The following AVEN variants were observed in gnomAD, a reference collection of about 807,000 sequenced individuals.
The protein encoded by AVEN is cell death regulator Aven.
Under a neutral mutation model 38.1 loss-of-function variants are expected in AVEN, and 41 were observed. That is an observed-to-expected ratio of 1.08 (90% confidence interval 0.84 to 1.40). AVEN has a LOEUF of 1.40. Among genes scored for constraint, AVEN ranks in the 40% most tolerant of loss-of-function variants. AVEN has a pLI of 0.00. For missense variants in AVEN, 605 were observed against 438.8 expected (o/e 1.38, Z -3.38); for synonymous variants, 206 against 171.8 (o/e 1.20, Z -1.56).
chr15:34,072,439 C>T (rs966548791), intron 1 of AVEN, among the ~76,000 whole-genome samples: 8 of 150,850 alleles, frequency 5.3e-5, no homozygotes, highest in East Asian at 4.0e-4. Flanking sequence ...GGTGAAACCC[C>T]GTCTCTACTA....
intron 2 of AVEN, among the ~76,000 whole-genome samples, chr15:33,935,740 T>A (rs1376612279): frequency 6.6e-6 from 1 of 152,170 alleles, no homozygotes; most frequent in East Asian, 1.9e-4. Context: ...CCTATCTCTA[T>A]ACTTCATAAG....
chr15:33,860,912 G>C (rs1887959290), intron 11 of AVEN, among the ~76,000 whole-genome samples: 1 of 120,682 alleles, frequency 8.3e-6, no homozygotes, highest in South Asian at 3.2e-4. Flanking sequence ...GCACTACTGA[G>C]TGAATGACTA....
chr15:33,877,564 C>T (rs1205633743), intron 2 of AVEN, among the ~76,000 whole-genome samples: 6 of 152,238 alleles, frequency 3.9e-5, no homozygotes, highest in Non-Finnish European at 8.8e-5. Context: ...CCTACAATCC[C>T]AGCACTTCGG....
chr15:33,872,877 G>C (rs1313905056), intron 3 of AVEN, among the ~76,000 whole-genome samples: 1 of 151,930 alleles, frequency 6.6e-6, no homozygotes, highest in Non-Finnish European at 1.5e-5. Context: ...CACCCCTGTG[G>C]TCATGGAGGC....
At chr15:33,958,108 A>T (rs947827568) in intron 2 of AVEN, among the ~76,000 whole-genome samples, 1 of 152,230 alleles carries the variant, frequency 6.6e-6, no homozygotes, top group Non-Finnish European at 1.5e-5. Context: ...GTGTACATAA[A>T]TTGTCAAAGC....
chr15:34,072,415 A>G (rs1207376346), intron 1 of AVEN, among the ~76,000 whole-genome samples: 2 of 151,976 alleles, frequency 1.3e-5, no homozygotes, highest in Non-Finnish European at 1.5e-5. Context: ...GTTCGAGACC[A>G]GACTAACCAA....
At chr15:33,961,718 C>A (rs1020997131) in intron 2 of AVEN, among the ~76,000 whole-genome samples, 1 of 144,272 alleles carries the variant, frequency 6.9e-6, no homozygotes, top group Non-Finnish European at 1.5e-5. Flanking sequence ...GAGGCTGAGG[C>A]AGGAGAATGG....
At chr15:34,043,753 C>T (rs934639419), upstream of AVEN, among the ~76,000 whole-genome samples, 1 of 152,208 alleles carries the variant, frequency 6.6e-6, no homozygotes, top group Admixed American at 6.5e-5. Flanking sequence ...ATCTTCTCCT[C>T]TCTCCTTCCA....
chr15:33,960,563 GA>G (rs1467513319), intron 2 of AVEN, among the ~76,000 whole-genome samples: 1 of 151,684 alleles, frequency 6.6e-6, no homozygotes, highest in African/African-American at 2.4e-5. Flanking sequence ...AATGCTTTGG[GA>G]TTAAAAAAAA....
At chr15:33,943,586 A>T (rs2153054296) in intron 2 of AVEN, among the ~76,000 whole-genome samples, 1 of 152,352 alleles carries the variant, frequency 6.6e-6, no homozygotes, top group African/African-American at 2.4e-5. Flanking sequence ...CTGTAATCCC[A>T]ACACTTTGGA....
intron 2 of AVEN, among the ~76,000 whole-genome samples, chr15:33,980,113 G>A (rs557225): frequency 0.8 from 121,313 of 152,240 alleles, 54,074 homozygotes; most frequent in Non-Finnish European, 0.98. Flanking sequence ...TAGTAAACTA[G>A]TATGACTCAG....
At chr15:33,865,017 CTCATATAAAT>C (rs1890001216), downstream of AVEN, 3 of 715,510 alleles carry the variant, frequency 4.2e-6, no homozygotes, top group Admixed American at 7.4e-5. Flanking sequence ...CAGGTTTGGC[CTCATATAAAT>C]TCACATCAGT....
intron 2 of AVEN, among the ~76,000 whole-genome samples, chr15:33,914,533 T>C (rs189297844): frequency 1.6e-3 from 239 of 151,352 alleles, no homozygotes; most frequent in African/African-American, 5.1e-3. Context: ...GATCTAAATA[T>C]AAAATATGAA....
upstream of AVEN, among the ~76,000 whole-genome samples, chr15:34,042,531 G>T (rs1899514896): frequency 6.6e-6 from 1 of 151,218 alleles, no homozygotes. Flanking sequence ...TTCCTGAGTA[G>T]CTAGGATTAC....
chr15:33,922,016 T>C (rs2098773), intron 2 of AVEN, among the ~76,000 whole-genome samples: 37,621 of 152,094 alleles, frequency 0.25, 4,811 homozygotes, highest in Middle Eastern at 0.39. Context: ...CTTGTAAACA[T>C]ACTAGTGTCA....
upstream of AVEN, among the ~76,000 whole-genome samples, chr15:34,042,406 T>G (rs868458406): frequency 2.0e-5 from 3 of 150,406 alleles, no homozygotes; most frequent in Non-Finnish European, 3.0e-5. Context: ...GTTTTTTTTT[T>G]TTTTTTTTTT....
At chr15:33,865,543 GGCTAGAGAA>G, downstream of AVEN, 1 of 271,100 alleles carries the variant, frequency 3.7e-6, no homozygotes, top group Non-Finnish European at 7.0e-6. Flanking sequence ...TGAAGGAAAG[GGCTAGAGAA>G]GTATGAAATC....
At chr15:33,901,667 C>T (rs1319396036) in intron 2 of AVEN, among the ~76,000 whole-genome samples, 1 of 152,292 alleles carries the variant, frequency 6.6e-6, no homozygotes, top group Non-Finnish European at 1.5e-5. Context: ...CAACACCTCA[C>T]CAACATTTAC....
At chr15:34,017,887 C>T (rs1464715137) in intron 1 of AVEN, among the ~76,000 whole-genome samples, 1 of 152,130 alleles carries the variant, frequency 6.6e-6, no homozygotes, top group Non-Finnish European at 1.5e-5. Context: ...ACAGTGGTCC[C>T]ATAAGGTTAT....
Sources: gnomAD v4.1 joint callset for allele counts (sites outside exome capture counted in the v4.1 genomes callset) on GRCh38, gnomAD v4.1.1 for gene constraint, MANE v1.5 for transcripts, NCBI Gene and HGNC (gene_info 2026-07-23, HGNC 2026-07-21) for gene names.